The following SNX9 variants were observed in gnomAD, a reference collection of about 807,000 sequenced individuals.
SNX9 encodes sorting nexin-9.
A neutral mutation model predicts 89.4 loss-of-function variants in SNX9; 44 were observed. The observed-to-expected ratio is 0.49, with a 90% CI of 0.39 to 0.63. SNX9 has a LOEUF of 0.63. SNX9 is among the 30% of genes least tolerant of loss of function. The probability of loss-of-function intolerance (pLI) is 0.00; values close to 1 mark genes in which losing one functional copy is unlikely to be tolerated. For missense variants in SNX9, 578 were observed against 736.1 expected, an observed-to-expected ratio of 0.79 and a Z score of 2.49; for synonymous variants, 236 against 247.8, an observed-to-expected ratio of 0.95 and a Z score of 0.45.
intron 7 of SNX9, among the ~76,000 whole-genome samples, chr6:157,908,950 C>A (rs550622503): frequency 4.6e-5 from 7 of 152,304 alleles, no homozygotes; most frequent in Non-Finnish European, 7.4e-5. Flanking sequence ...GACGTGATAC[C>A]CGGGGGTTGG....
intron 2 of SNX9, among the ~76,000 whole-genome samples, chr6:157,871,833 G>A (rs1782419389): frequency 6.7e-6 from 1 of 149,042 alleles, no homozygotes; most frequent in Non-Finnish European, 1.5e-5. Flanking sequence ...CTGGAGTGAG[G>A]TGGTGTGATC....
chr6:157,881,718 A>C (rs1278420848), intron 4 of SNX9, among the ~76,000 whole-genome samples: 1 of 152,248 alleles, frequency 6.6e-6, no homozygotes, highest in Non-Finnish European at 1.5e-5. Context: ...AACAGGCCAC[A>C]ACATTCCCTT....
intron 6 of SNX9, among the ~76,000 whole-genome samples, chr6:157,904,231 C>T (rs1783163824): frequency 6.6e-6 from 1 of 152,032 alleles, no homozygotes; most frequent in Non-Finnish European, 1.5e-5. Flanking sequence ...GTCAGGAATT[C>T]GAGACCAGCC....
At chr6:157,927,852 G>C (rs774602639) in intron 11 of SNX9, among the ~76,000 whole-genome samples, 1 of 149,192 alleles carries the variant, frequency 6.7e-6, no homozygotes. Context: ...TCAGCCTCTC[G>C]AGTAGCTGGG....
chr6:157,833,292 G>T (rs1781510367), intron 1 of SNX9, among the ~76,000 whole-genome samples: 1 of 152,000 alleles, frequency 6.6e-6, no homozygotes, highest in African/African-American at 2.4e-5. Flanking sequence ...GGAAAAAAAA[G>T]ATTTTTTTTT....
chr6:157,925,788 CA>C (rs1358511617), intron 10 of SNX9, among the ~76,000 whole-genome samples: 1 of 152,068 alleles, frequency 6.6e-6, no homozygotes, highest in Non-Finnish European at 1.5e-5. Flanking sequence ...AAACTCTAAA[CA>C]AAGTGTCTGA....
chr6:157,906,222 T>C lies in SNX9; in HGVS notation c.705+10T>C, dbSNP rs762967477. On this transcript the variant is annotated intron_variant, in intron 7 of 17. Coordinates refer to ENST00000392185, the MANE Select transcript of SNX9 (RefSeq NM_016224.5). ...GAAAATTCCCATCATTGTAAGTTTG[T>C]TTATTTTTGTTTGCTTTCTTTCTGA... 5 of 1,599,362 alleles carry C rather than the reference T, an allele frequency of 3.1e-6. No homozygotes were observed. The Admixed American group carries it at 5.3e-5, about 17-fold the overall frequency.
Position 157,901,816 on chromosome 6 carries a change from A to G in SNX9, c.473-82A>G, listed in dbSNP as rs912649935. On this transcript the variant is annotated intron_variant, in intron 5 of 17. Transcript: ENST00000392185. ...AAATTGATTTGCCCAGTAGGTAGTT[A>G]CTGTCAGAAAATTAAGTAATTTCAT... The G allele has an allele frequency of 6.0e-6, 9 of 1,510,862 alleles. No individual in the cohort carries two copies. The Admixed American group carries it at 1.5e-4, about 25-fold the overall frequency. The allele number at this position is 1,510,862 out of a possible 1,614,324, so 93.6% of individuals were successfully genotyped here.
Position 157,932,211 on chromosome 6 carries a change from T to C in SNX9, c.1305T>C (p.Tyr435=), listed in dbSNP as rs1406796398. Residue 435 remains tyrosine (Y), a synonymous_variant, in exon 13 of 18, where the codon TAT becomes TAC. Transcript: ENST00000392185. The part of the protein sequence containing the change: ...KRCTGPLPKE[Y]QKIGKALQSL... ...GTCTTTCAGCATTACCCAAGGAATATCAGAAGATAGGAAAGGCCTTGCAGA... is the reference window on the plus strand; with the variant it reads ...GTCTTTCAGCATTACCCAAGGAATACCAGAAGATAGGAAAGGCCTTGCAGA... 1 of 1,614,182 alleles carries C rather than the reference T, an allele frequency of 6.2e-7. No individual in the cohort carries two copies. The highest frequency in any genetic ancestry group is 1.1e-5 in the South Asian group (1 of 91,082).
chr6:157,871,624 C>G (rs991584615), intron 2 of SNX9, among the ~76,000 whole-genome samples: 3 of 151,930 alleles, frequency 2.0e-5, no homozygotes, highest in Non-Finnish European at 4.4e-5. Context: ...ACATGTATAC[C>G]TATGTAACAA....
Position 157,902,017 on chromosome 6 carries a change from T to A in SNX9, c.592T>A (p.Ser198Thr). 1 of 1,613,566 alleles carries A rather than the reference T, an allele frequency of 6.2e-7. No individual in the cohort carries two copies. Among genetic ancestry groups the A allele is most frequent in the Non-Finnish European group, 8.5e-7 (1 of 1,179,832 alleles). Reference sequence around the variant, plus strand: ...TCAGCGAGGAAACAGTCGTGCTAGTTCCTCATCCATGAAAATTCCCCTTAA... The same window carrying A: ...TCAGCGAGGAAACAGTCGTGCTAGTACCTCATCCATGAAAATTCCCCTTAA... ...GAQRGNSRAS[S>T]SSMKIPLNKF... Residue 198 changes from serine to threonine, a missense_variant, in exon 6 of 18, where the codon TCC becomes ACC. Physicochemically the swap from Ser to Thr is moderately conservative, Grantham distance 58 (BLOSUM62 1). This residue lies in a region of SNX9 where 230 missense variants were observed against 244.7 expected (regional missense o/e 0.94). Transcript: ENST00000392185.
At chr6:157,903,636 T>G (rs1483304853) in intron 6 of SNX9, among the ~76,000 whole-genome samples, 3 of 152,210 alleles carry the variant, frequency 2.0e-5, no homozygotes, top group African/African-American at 7.2e-5. Context: ...AAGCAGAGAC[T>G]GAGAAAAATG....
At chr6:157,839,774 C>CT (rs1390646553) in intron 1 of SNX9, among the ~76,000 whole-genome samples, 2 of 152,188 alleles carry the variant, frequency 1.3e-5, no homozygotes, top group African/African-American at 4.8e-5. Flanking sequence ...CTCCAGTCTC[C>CT]TCTTTAGGCC....
At position 157,823,319 on chromosome 6, in the gene SNX9, G is replaced by T. The variant is rs1781271396; in HGVS notation, c.-116G>T. ...GCCGAGGCGGAGGAGCGGCCGCCGC[G>T]CCGGGGCCCAGCCGGAGCCGCCGCC... On this transcript the variant is annotated 5_prime_UTR_variant, in exon 1 of 18. Transcript: ENST00000392185. The surrounding 1 kb of genome is among the most constrained non-coding windows in gnomAD (Gnocchi z 4.6). The T allele has an allele frequency of 5.3e-6, 5 of 946,904 alleles. No homozygotes were observed. Among genetic ancestry groups the T allele is most frequent in the Non-Finnish European group, 6.7e-6 (5 of 750,978 alleles). 58.7% of individuals were successfully genotyped at this position (946,904 alleles called of 1,614,324 possible). A position where few individuals can be genotyped will look rare whatever the true frequency, so the allele number is the denominator to read the frequency against.
chr6:157,923,860 A>G (rs188268009), intron 10 of SNX9, among the ~76,000 whole-genome samples: 41 of 152,346 alleles, frequency 2.7e-4, no homozygotes, highest in Admixed American at 2.0e-3. Context: ...TTGGATGGCA[A>G]AATGCAGGGA....
intron 1 of SNX9, among the ~76,000 whole-genome samples, chr6:157,833,735 C>T (rs965337510): frequency 5.3e-5 from 8 of 152,146 alleles, no homozygotes; most frequent in East Asian, 1.9e-4. Context: ...CTTCTCCTCC[C>T]GCCTTCCTAA....
intron 2 of SNX9, among the ~76,000 whole-genome samples, chr6:157,871,995 GTCCT>G (rs1562600543): frequency 4.6e-5 from 7 of 152,004 alleles, no homozygotes; most frequent in Non-Finnish European, 1.0e-4. Context: ...ATAGCAACTT[GTCCT>G]CAAGTTGCTA....
Position 157,943,174 on chromosome 6 carries a change from T to C in SNX9, c.*336T>C. On this transcript the variant is annotated 3_prime_UTR_variant, in exon 18 of 18. Transcript: ENST00000392185. ...CATAATTTATATGTCTTATAAATTA[T>C]AAGTCTTATATAATTTATAAGTCTC... 1 of 190,924 alleles carries C rather than the reference T, an allele frequency of 5.2e-6. No homozygotes were observed. Among genetic ancestry groups the C allele is most frequent in the East Asian group, 1.3e-4 (1 of 7,772 alleles). 11.8% of individuals were successfully genotyped at this position (190,924 alleles called of 1,614,324 possible). A position where few individuals can be genotyped will look rare whatever the true frequency, so the allele number is the denominator to read the frequency against.
At chr6:157,834,293 G>A (rs1313181855) in intron 1 of SNX9, among the ~76,000 whole-genome samples, 3 of 148,112 alleles carry the variant, frequency 2.0e-5, no homozygotes, top group Non-Finnish European at 4.5e-5. Context: ...TCAACATCCT[G>A]AGTAAGCTGA....
Sources: gnomAD v4.1 joint callset for allele counts (sites outside exome capture counted in the v4.1 genomes callset) on GRCh38, gnomAD v4.1.1 for gene constraint, gnomAD v4.1.1 regional missense constraint, Gnocchi (gnomAD v3.1) non-coding constraint, MANE v1.5 for transcripts, NCBI Gene and HGNC (gene_info 2026-07-23, HGNC 2026-07-21) for gene names.